The following DISC1 variants were observed in gnomAD, a reference collection of about 807,000 sequenced individuals.
The protein encoded by DISC1 is disrupted in schizophrenia 1 protein.
In DISC1, 57 loss-of-function variants were observed where a neutral mutation model predicts 84.5. That is an observed-to-expected ratio of 0.67 (90% confidence interval 0.55 to 0.84). The LOEUF (loss-of-function observed/expected upper bound fraction) is 0.84, where lower values mean the gene tolerates loss of function less well. DISC1 is among the 40% of genes least tolerant of loss of function. The probability of loss-of-function intolerance (pLI) is 0.00; values close to 1 mark genes in which losing one functional copy is unlikely to be tolerated. For missense variants in DISC1, 1,000 were observed against 1,057.8 expected (o/e 0.95, Z 0.76); for synonymous variants, 411 against 415.2 (o/e 0.99, Z 0.12).
chr1:231,914,321 T>C (rs1372060288), intron 9 of DISC1, among the ~76,000 whole-genome samples: 1 of 152,252 alleles, frequency 6.6e-6, no homozygotes, highest in Non-Finnish European at 1.5e-5. Flanking sequence ...GGAAACCCTG[T>C]CTGCAAGCGG....
chr1:231,661,603 A>C (rs1418732465), intron 1 of DISC1, among the ~76,000 whole-genome samples: 1 of 152,148 alleles, frequency 6.6e-6, no homozygotes, highest in Non-Finnish European at 1.5e-5. Flanking sequence ...GAGCTTGGTT[A>C]TGTTCCTCTC....
At chr1:231,855,034 T>C (rs778910139) in intron 9 of DISC1, 88 of 1,016,098 alleles carry the variant, frequency 8.7e-5, no homozygotes, top group Non-Finnish European at 1.0e-4. Context: ...AATTCTTTAA[T>C]GTGAGGAAAT....
chr1:231,962,529 C>T (rs767795524), intron 10 of DISC1, among the ~76,000 whole-genome samples: 12 of 152,150 alleles, frequency 7.9e-5, no homozygotes, highest in Non-Finnish European at 1.2e-4. Flanking sequence ...GGAGGCAACA[C>T]GTTACCCAAC....
intron 1 of DISC1, among the ~76,000 whole-genome samples, chr1:231,678,752 G>A (rs915993807): frequency 6.6e-6 from 1 of 151,982 alleles, no homozygotes; most frequent in African/African-American, 2.4e-5. Context: ...TGCAACTTCC[G>A]CCTCCCGAGT....
chr1:231,989,870 G>T (rs781268211), intron 10 of DISC1, among the ~76,000 whole-genome samples: 7 of 152,210 alleles, frequency 4.6e-5, no homozygotes, highest in Non-Finnish European at 8.8e-5. Context: ...ACCGAGTTCA[G>T]TATCTTACCT....
intron 1 of DISC1, among the ~76,000 whole-genome samples, chr1:231,668,685 A>T (rs1020190249): frequency 2.0e-5 from 3 of 152,218 alleles, no homozygotes; most frequent in African/African-American, 7.2e-5. Flanking sequence ...CCATATTTGT[A>T]TGGTTATCTT....
rs1659024332 is a variant in DISC1 at position 231,954,358 on chromosome 1, C to T, written c.1982-4470C>T. Among the ~76,000 whole-genome samples, 1 of 152,180 alleles carries T rather than the reference C, an allele frequency of 6.6e-6. No individual in the cohort carries two copies. The highest frequency in any genetic ancestry group is 6.5e-5 in the Admixed American group (1 of 15,276). On this transcript the variant is annotated intron_variant, in intron 9 of 12. Transcript: ENST00000439617. The surrounding 1 kb of genome is among the most constrained non-coding windows in gnomAD (Gnocchi z 4.8). ...CATGATGTGTGTTTCATGCACTCTA[C>T]TGTTTTCACTGATTTATGGCATTTA...
chr1:232,028,474 A>G (rs894770117), intron 12 of DISC1, among the ~76,000 whole-genome samples: 1 of 152,212 alleles, frequency 6.6e-6, no homozygotes, highest in African/African-American at 2.4e-5. Context: ...ACAAGGGGTT[A>G]AGCAGTATTT....
intron 9 of DISC1, among the ~76,000 whole-genome samples, chr1:231,860,412 G>A (rs756840669): frequency 1.3e-5 from 2 of 152,014 alleles, no homozygotes; most frequent in South Asian, 2.1e-4. Flanking sequence ...AATCCAAAAT[G>A]CTCCTGTCAG....
In DISC1 at chr1:232,009,615, G is replaced by A; in HGVS notation, c.2307+566G>A. On this transcript the variant is annotated intron_variant, in intron 11 of 12. Transcript: ENST00000439617. The surrounding 1 kb of genome is among the most constrained non-coding windows in gnomAD (Gnocchi z 4.6). The stretch of plus-strand genomic sequence containing the variant: ...CATAAACACAACTAAAGTTTGGCCT[G>A]AGATATATGTATTACAAATTAAAAT... 1 of 900,234 alleles carries A rather than the reference G, an allele frequency of 1.1e-6. No homozygotes were observed. The highest frequency in any genetic ancestry group is 1.3e-6 in the Non-Finnish European group (1 of 752,576). The allele number at this position is 900,234 out of a possible 1,614,324, so 55.8% of individuals were successfully genotyped here.
chr1:231,790,889 T>G lies in DISC1; in HGVS notation c.1635-4353T>G, dbSNP rs1489934588. Reference sequence around the variant, plus strand: ...TCACCCTAATGACTTTATTTTAAATTTATTACCTATTGAAAAGCCCTATCT... The same window carrying G: ...TCACCCTAATGACTTTATTTTAAATGTATTACCTATTGAAAAGCCCTATCT... On this transcript the variant is annotated intron_variant, in intron 6 of 12. Transcript: ENST00000439617. Among the ~76,000 whole-genome samples the G allele has an allele frequency of 3.3e-5, 5 of 152,216 alleles. No homozygotes were observed. The East Asian group carries it at 9.6e-4, about 29-fold the overall frequency.
intron 10 of DISC1, among the ~76,000 whole-genome samples, chr1:231,981,399 G>A (rs532789160): frequency 2.4e-4 from 36 of 152,250 alleles, no homozygotes; most frequent in African/African-American, 8.7e-4. Context: ...GAAGACTGTC[G>A]TAGACTGCTC....
At chr1:231,958,488 G>A (rs1659906219) in intron 9 of DISC1, among the ~76,000 whole-genome samples, 1 of 152,198 alleles carries the variant, frequency 6.6e-6, no homozygotes, top group African/African-American at 2.4e-5. Flanking sequence ...TTGGACAACC[G>A]AGCCAATGGC....
chr1:231,751,977 G>A (rs2074649569), intron 4 of DISC1, among the ~76,000 whole-genome samples: 1 of 152,212 alleles, frequency 6.6e-6, no homozygotes, highest in East Asian at 1.9e-4. Flanking sequence ...TGAATTTTAG[G>A]ATGAGGAAAC....
chr1:231,727,543 G>A (rs2070893189), intron 3 of DISC1, among the ~76,000 whole-genome samples: 1 of 152,146 alleles, frequency 6.6e-6, no homozygotes, highest in African/African-American at 2.4e-5. Context: ...TGGGTGTTGG[G>A]ACTCACTGAA....
chr1:231,989,892 A>C (rs775870794), intron 10 of DISC1, among the ~76,000 whole-genome samples: 7 of 152,176 alleles, frequency 4.6e-5, no homozygotes, highest in Non-Finnish European at 7.4e-5. Flanking sequence ...ACGCTGTGCG[A>C]CTGCAAGCGG....
At chr1:231,914,049 G>C (rs529721944) in intron 9 of DISC1, among the ~76,000 whole-genome samples, 18 of 152,206 alleles carry the variant, frequency 1.2e-4, no homozygotes, top group African/African-American at 4.1e-4. Flanking sequence ...GTTCTGGAGG[G>C]AGACAGCCCA....
intron 10 of DISC1, among the ~76,000 whole-genome samples, chr1:231,966,037 G>T (rs1021077646): frequency 2.0e-5 from 3 of 152,182 alleles, no homozygotes; most frequent in Non-Finnish European, 4.4e-5. Context: ...TGGTTGTCGT[G>T]CTGTTTGGCA....
chr1:231,774,186 C>T (rs1356503168), intron 6 of DISC1, among the ~76,000 whole-genome samples: 2 of 151,654 alleles, frequency 1.3e-5, no homozygotes, highest in East Asian at 1.9e-4. Flanking sequence ...CCCTGGAGTT[C>T]GAGATTACAG....
Sources: allele counts gnomAD v4.1 joint callset (sites outside exome capture counted in the v4.1 genomes callset), GRCh38; gene constraint gnomAD v4.1.1; non-coding constraint Gnocchi (gnomAD v3.1); transcripts MANE v1.5; gene names NCBI Gene and HGNC (gene_info 2026-07-23, HGNC 2026-07-21).